The following CMPK2 variants were observed in gnomAD, a reference collection of about 807,000 sequenced individuals.
CMPK2 encodes the protein cytidine/uridine monophosphate kinase 2.
In CMPK2, 32 loss-of-function variants were observed where a neutral mutation model predicts 33.4. The observed-to-expected ratio is 0.96, with a 90% CI of 0.72 to 1.29. The LOEUF (loss-of-function observed/expected upper bound fraction) is 1.29, where lower values mean the gene tolerates loss of function less well. CMPK2 is among the 50% of genes most tolerant of loss of function. The pLI is 0.00. For synonymous variants in CMPK2, 299 were observed against 275.3 expected (o/e 1.09, Z -0.85); for missense variants, 672 against 616.0 (o/e 1.09, Z -0.96).
chr2:6,847,424 G>A (rs1662389638), downstream of CMPK2, among the ~76,000 whole-genome samples: 1 of 152,206 alleles, frequency 6.6e-6, no homozygotes, highest in South Asian at 2.1e-4. Context: ...TCCCTCATCT[G>A]AGTGAGCCAG....
At chr2:6,850,563 A>G (rs766595399) in intron 4 of CMPK2, 1 of 195,900 alleles carries the variant, frequency 5.1e-6, no homozygotes, top group Non-Finnish European at 9.3e-6. Context: ...CTGCCTGACC[A>G]CTTCCTAGCC....
Position 6,848,665 on chromosome 2 carries a change from G to A in CMPK2, c.*1185C>T, listed in dbSNP as rs1662422962. 1.0e-6 allele frequency: 1 copy of A among 979,334 alleles called. No individual in the cohort carries two copies. The highest frequency in any genetic ancestry group is 1.7e-5 in the African/African-American group (1 of 57,188). The allele number at this position is 979,334 out of a possible 1,614,324, so 60.7% of individuals were successfully genotyped here. ...TTATTTTGGAGTAATGTCTTCTTAA[G>A]AAATGGTAGATAGGATAAAATAATT... is the stretch of plus-strand genomic sequence containing the variant. On this transcript the variant is annotated 3_prime_UTR_variant, in exon 5 of 5. Transcript: ENST00000256722.
At chr2:6,863,917 C>G (rs2595170) in intron 1 of CMPK2, among the ~76,000 whole-genome samples, 143,133 of 152,298 alleles carry the variant, frequency 0.94, 67,885 homozygotes, top group East Asian at 1. Context: ...GGAACACTGT[C>G]TCACAAGAAT....
At chr2:6,846,730 G>C (rs1371012493), downstream of CMPK2, among the ~76,000 whole-genome samples, 2 of 152,172 alleles carry the variant, frequency 1.3e-5, no homozygotes, top group Admixed American at 1.3e-4. Context: ...GTTGCCCTGG[G>C]ACCTTCCAAT....
intron 3 of CMPK2, among the ~76,000 whole-genome samples, chr2:6,842,709 C>T (rs1597248): frequency 0.93 from 141,802 of 152,244 alleles, 66,235 homozygotes; most frequent in East Asian, 0.98. Context: ...GAGTGAGTTT[C>T]AGCTATTGAG....
chr2:6,865,896 G>T lies in CMPK2; in HGVS notation c.-200C>A, dbSNP rs1320729872. On this transcript the variant is annotated 5_prime_UTR_variant, in exon 1 of 5. Coordinates refer to ENST00000256722, the MANE Select transcript of CMPK2 (RefSeq NM_207315.4). ...GGCGCCCTTCCGGCCTCTCCTCCTCGCCGCGAGATGTGCGCGATAAACGGC... is the reference window on the plus strand; with the variant it reads ...GGCGCCCTTCCGGCCTCTCCTCCTCTCCGCGAGATGTGCGCGATAAACGGC... The T allele has an allele frequency of 3.5e-6, 5 of 1,408,790 alleles. No homozygotes were observed. Among genetic ancestry groups the T allele is most frequent in the Admixed American group, 2.8e-5 (1 of 35,754 alleles). The allele number at this position is 1,408,790 out of a possible 1,614,324, so 87.3% of individuals were successfully genotyped here.
chr2:6,853,862 A>G (rs1233562690), intron 3 of CMPK2, among the ~76,000 whole-genome samples: 1 of 152,102 alleles, frequency 6.6e-6, no homozygotes, highest in Non-Finnish European at 1.5e-5. Context: ...AGATCGCGCC[A>G]CTGCACTCCA....
downstream of CMPK2, among the ~76,000 whole-genome samples, chr2:6,845,573 A>G (rs1388156947): frequency 6.6e-6 from 1 of 152,162 alleles, no homozygotes; most frequent in Non-Finnish European, 1.5e-5. Flanking sequence ...AGGACTAGTC[A>G]TGCTCACCTG....
chr2:6,861,445 T>C (rs1662880986), intron 2 of CMPK2, 60 bp from the exon 3 acceptor site: 1 of 1,296,584 alleles, frequency 7.7e-7, no homozygotes. Context: ...AACATTGACG[T>C]AGAAAGAGCA....
Position 6,861,168 on chromosome 2 carries a change from G to C in CMPK2, c.992+16C>G. 2 of 1,600,094 alleles carry C rather than the reference G, an allele frequency of 1.2e-6. No homozygotes were observed. Among genetic ancestry groups the C allele is most frequent in the Non-Finnish European group, 1.7e-6 (2 of 1,168,330 alleles). Reference sequence around the variant, plus strand: ...TTAGGGAGAAAATGCCTAATTCAAGGCATCTTTATACCTACCTGTCTACAA... The same window carrying C: ...TTAGGGAGAAAATGCCTAATTCAAGCCATCTTTATACCTACCTGTCTACAA... On this transcript the variant is annotated intron_variant, in intron 3 of 4. Coordinates refer to ENST00000256722, the MANE Select transcript of CMPK2 (RefSeq NM_207315.4).
downstream of CMPK2, among the ~76,000 whole-genome samples, chr2:6,843,997 G>C (rs931024844): frequency 2.6e-5 from 4 of 152,200 alleles, no homozygotes; most frequent in African/African-American, 9.7e-5. Context: ...GACCATCTGG[G>C]AGACTGGCTC....
chr2:6,864,409 G>A (rs1662983637), intron 1 of CMPK2: 1 of 152,176 alleles, frequency 6.6e-6, no homozygotes, highest in East Asian at 1.9e-4. Context: ...GCATCCTCAG[G>A]GCTCATCTGT....
At chr2:6,846,817 G>A (rs898038320), downstream of CMPK2, among the ~76,000 whole-genome samples, 1 of 152,192 alleles carries the variant, frequency 6.6e-6, no homozygotes, top group African/African-American at 2.4e-5. Flanking sequence ...GCAAGTAAAG[G>A]TGAAAGTTAA....
downstream of CMPK2, among the ~76,000 whole-genome samples, chr2:6,845,350 C>T (rs1232918780): frequency 6.6e-6 from 1 of 152,116 alleles, no homozygotes; most frequent in African/African-American, 2.4e-5. Context: ...TTACAGACTG[C>T]AGATGGTTTG....
At chr2:6,843,960 G>A (rs2197829), downstream of CMPK2, among the ~76,000 whole-genome samples, 107,193 of 151,946 alleles carry the variant, frequency 0.71, 39,011 homozygotes, top group East Asian at 0.89. Context: ...CCAAGAAATT[G>A]AGCCCTAGGA....
chr2:6,840,738 A>G, intron 3 of CMPK2: 1 of 696,186 alleles, frequency 1.4e-6, no homozygotes, highest in Non-Finnish European at 2.6e-6. Flanking sequence ...TTGGTAGAAC[A>G]GAGGTGGCCC....
At chr2:6,854,180 C>T (rs1243762868) in intron 3 of CMPK2, among the ~76,000 whole-genome samples, 3 of 152,194 alleles carry the variant, frequency 2.0e-5, no homozygotes, top group Admixed American at 2.0e-4. Context: ...CTATAATTTA[C>T]ACCATGGTCA....
At position 6,863,570 on chromosome 2, in the gene CMPK2, G is replaced by A; in HGVS notation, c.684C>T (p.Ser228=). Residue 228 remains serine, a synonymous_variant, in exon 2 of 5, where the codon TCC becomes TCT. Transcript: ENST00000256722. Reference sequence around the variant, plus strand: ...GCACTGCCCGGGCTTCAGGAATAAAGGAGGTACACTGTAAAACAACGTCTA... The same window carrying A: ...GCACTGCCCGGGCTTCAGGAATAAAAGAGGTACACTGTAAAACAACGTCTA... ...AARAVLEECT[S]FIPEARAVLD... 1 of 1,613,422 alleles carries A rather than the reference G, an allele frequency of 6.2e-7. No homozygotes were observed. The highest frequency in any genetic ancestry group is 1.1e-5 in the South Asian group (1 of 91,002).
chr2:6,859,791 A>G (rs1662819570), intron 3 of CMPK2, among the ~76,000 whole-genome samples: 1 of 152,256 alleles, frequency 6.6e-6, no homozygotes, highest in African/African-American at 2.4e-5. Context: ...GCCCCAACAC[A>G]GAGTCCCTAC....
Sources: gnomAD v4.1 joint callset for allele counts (sites outside exome capture counted in the v4.1 genomes callset) on GRCh38, gnomAD v4.1.1 for gene constraint, MANE v1.5 for transcripts, NCBI Gene and HGNC (gene_info 2026-07-23, HGNC 2026-07-21) for gene names.